EXD3: variants seen among roughly 807,000 people sequenced by gnomAD.
EXD3 encodes the protein exonuclease mut-7 homolog.
A neutral mutation model predicts 98.0 loss-of-function variants in EXD3; 92 were observed. That is an observed-to-expected ratio of 0.94 (90% CI 0.79 to 1.12). The LOEUF is 1.12. Among genes scored for constraint, EXD3 ranks in the 50% most tolerant of loss-of-function variants. EXD3 has a pLI of 0.00. For missense variants in EXD3, 1,222 were observed against 1,191.6 expected, an observed-to-expected ratio of 1.03 and a Z score of -0.38; for synonymous variants, 569 against 526.0, an observed-to-expected ratio of 1.08 and a Z score of -1.12.
intron 1 of EXD3, among the ~76,000 whole-genome samples, chr9:137,408,546 CAA>C (rs570243090): frequency 1.6e-4 from 7 of 44,484 alleles, no homozygotes; most frequent in Admixed American, 3.2e-4. Flanking sequence ...GACTCTGCCT[CAA>C]AAAAAAAAAA....
intron 17 of EXD3, among the ~76,000 whole-genome samples, chr9:137,327,218 C>T (rs1275839442): frequency 6.7e-6 from 1 of 150,232 alleles, no homozygotes. Context: ...ACTGCAAGTT[C>T]TGCCTCCCGG....
chr9:137,413,286 C>T (rs1838087533), intron 1 of EXD3, among the ~76,000 whole-genome samples: 1 of 151,970 alleles, frequency 6.6e-6, no homozygotes, highest in Admixed American at 6.6e-5. Flanking sequence ...CTGCAAGCTC[C>T]GCCTCCCGGG....
At chr9:137,376,828 C>T (rs966424424) in intron 3 of EXD3, among the ~76,000 whole-genome samples, 1 of 150,544 alleles carries the variant, frequency 6.6e-6, no homozygotes, top group African/African-American at 2.5e-5. Flanking sequence ...GCTCGGGAGG[C>T]TGAGGCAGGA....
intron 6 of EXD3, 100 bp from the exon 7 acceptor site, chr9:137,366,732 G>A: frequency 7.0e-7 from 1 of 1,427,368 alleles, no homozygotes; most frequent in Non-Finnish European, 9.3e-7. Flanking sequence ...CAGAACGAAA[G>A]GGGCCCAGAG....
intron 8 of EXD3, among the ~76,000 whole-genome samples, chr9:137,355,525 GAT>G (rs1564508425): frequency 8.0e-4 from 51 of 63,552 alleles, no homozygotes; most frequent in Non-Finnish European, 1.1e-3. Context: ...GAGGAAGGAG[GAT>G]GGAGGAAGGA....
chr9:137,330,295 A>T (rs1270665292), intron 17 of EXD3, among the ~76,000 whole-genome samples: 1 of 131,834 alleles, frequency 7.6e-6, no homozygotes, highest in South Asian at 2.7e-4. Context: ...GGAACTACAC[A>T]GGAGCTACAC....
At chr9:137,308,530 C>T (rs1413980469) in intron 20 of EXD3, among the ~76,000 whole-genome samples, 2 of 152,056 alleles carry the variant, frequency 1.3e-5, no homozygotes, top group African/African-American at 4.8e-5. Context: ...AGCGGGGGAC[C>T]TGAGGTTGGA....
At position 137,371,324 on chromosome 9, in the gene EXD3, T is replaced by C. The variant is rs1427768774; in HGVS notation, c.462+1581A>G. On this transcript the variant is annotated intron_variant, in intron 5 of 21. Coordinates refer to ENST00000340951, the MANE Select transcript of EXD3 (RefSeq NM_017820.5). The surrounding 1 kb of genome is among the most constrained non-coding windows in gnomAD (Gnocchi z 8.0). Reference sequence around the variant, plus strand: ...GGGACATGGTGGCTTCTCAGCGCCATGCACCCGCCGCGAGACGACGGCCCC... The same window carrying C: ...GGGACATGGTGGCTTCTCAGCGCCACGCACCCGCCGCGAGACGACGGCCCC... 2.0e-5 allele frequency among the ~76,000 whole-genome samples: 3 copies of C among 152,144 alleles called. No homozygotes were observed. The highest frequency in any genetic ancestry group is 7.2e-5 in the African/African-American group (3 of 41,430).
chr9:137,316,321 C>G (rs1054407915), intron 19 of EXD3, among the ~76,000 whole-genome samples: 2 of 151,996 alleles, frequency 1.3e-5, no homozygotes, highest in Non-Finnish European at 2.9e-5. Flanking sequence ...CTTCGCGCGC[C>G]GGCCTGGGGG....
intron 8 of EXD3, among the ~76,000 whole-genome samples, chr9:137,355,171 C>T (rs1242317898): frequency 6.6e-6 from 1 of 152,166 alleles, no homozygotes; most frequent in Non-Finnish European, 1.5e-5. Context: ...CCATGAGCGG[C>T]AGGGACTGAG....
At position 137,395,736 on chromosome 9, in the gene EXD3, C is replaced by T. The variant is rs1337900036; in HGVS notation, c.-47-332G>A. On this transcript the variant is annotated intron_variant, in intron 1 of 21. Transcript: ENST00000340951. The surrounding 1 kb of genome is among the most constrained non-coding windows in gnomAD (Gnocchi z 6.5). ...GCCTGTTCTTGAGGACAGCGTGACC[C>T]CCCTTGCCATGTCCCCCTCAGGCTG... Among the ~76,000 whole-genome samples, 2 of 152,122 alleles carry T rather than the reference C, an allele frequency of 1.3e-5. No individual in the cohort carries two copies. The highest frequency in any genetic ancestry group is 3.9e-4 in the East Asian group (2 of 5,158).
intron 1 of EXD3, among the ~76,000 whole-genome samples, chr9:137,397,336 T>C (rs1285819815): frequency 6.6e-6 from 1 of 152,156 alleles, no homozygotes; most frequent in Non-Finnish European, 1.5e-5. Context: ...AGAAAGGCCC[T>C]AGGCTCTCCG....
Position 137,349,251 on chromosome 9 carries a change from G to A in EXD3, c.1689C>T (p.His563=), listed in dbSNP as rs769393301. The part of the protein sequence containing the change: ...AADAYCLLEV[H]QALCREPARF... Reference sequence around the variant, plus strand: ...GGGCGGGCTCTCTGCACAGGGCTTGGTGCACCTCCAGCAGGCAGTAGGCGT... The same window carrying A: ...GGGCGGGCTCTCTGCACAGGGCTTGATGCACCTCCAGCAGGCAGTAGGCGT... The change falls in exon 16 of 22, where the codon CAC becomes CAT. Residue 563 remains histidine (H), a synonymous_variant. Transcript: ENST00000340951. The surrounding 1 kb of genome is among the most constrained non-coding windows in gnomAD (Gnocchi z 7.4). 17 of 1,573,818 alleles carry A rather than the reference G, an allele frequency of 1.1e-5. No homozygotes were observed. The South Asian group carries it at 1.8e-4, about 17-fold the overall frequency.
At chr9:137,318,371 G>C (rs1021513089) in intron 19 of EXD3, among the ~76,000 whole-genome samples, 1 of 152,010 alleles carries the variant, frequency 6.6e-6, no homozygotes, top group Non-Finnish European at 1.5e-5. Flanking sequence ...GGGAGCCCTC[G>C]GAGGCAGGGT....
In EXD3 at chr9:137,403,305, T is replaced by C. The variant is rs989115151; in HGVS notation, c.-47-7901A>G. Among the ~76,000 whole-genome samples the C allele has an allele frequency of 6.6e-6, 1 of 151,842 alleles. No individual in the cohort carries two copies. The highest frequency in any genetic ancestry group is 2.4e-5 in the African/African-American group (1 of 41,336). The stretch of plus-strand genomic sequence containing the variant: ...AAGATGCAGACCCGAACGCGTCTCC[T>C]CCCGGCTGGTCTGTCCAGGAAAAAG... On this transcript the variant is annotated intron_variant, in intron 1 of 21. Transcript: ENST00000340951. This position sits in a 1 kb window ranked among gnomAD's most constrained non-coding sequence, Gnocchi z 6.1.
intron 2 of EXD3, among the ~76,000 whole-genome samples, chr9:137,389,993 G>A (rs1195596037): frequency 6.6e-6 from 1 of 151,402 alleles, no homozygotes; most frequent in East Asian, 1.9e-4. Flanking sequence ...ATGGTGGTGG[G>A]TGCCTGTAAT....
Position 137,395,243 on chromosome 9 carries a change from C to A in EXD3, c.55+60G>T, listed in dbSNP as rs986395104. ...AGTGGGCGCCACCACCCCCCATGCA[C>A]ACCCACGCACCTCCCCCCACAGCCC... On this transcript the variant is annotated intron_variant, in intron 2 of 21. Coordinates refer to ENST00000340951, the MANE Select transcript of EXD3 (RefSeq NM_017820.5). The surrounding 1 kb of genome is among the most constrained non-coding windows in gnomAD (Gnocchi z 6.5). 101 of 1,438,854 alleles carry A rather than the reference C, an allele frequency of 7.0e-5. No individual in the cohort carries two copies. The highest frequency in any genetic ancestry group is 9.2e-5 in the Non-Finnish European group (94 of 1,022,452). The allele number at this position is 1,438,854 out of a possible 1,614,324, so 89.1% of individuals were successfully genotyped here.
intron 1 of EXD3, among the ~76,000 whole-genome samples, chr9:137,401,641 C>G (rs1486683495): frequency 6.6e-6 from 1 of 152,228 alleles, no homozygotes; most frequent in Non-Finnish European, 1.5e-5. Flanking sequence ...GCTGCCAAGG[C>G]TTGGGGCTTC....
At position 137,403,159 on chromosome 9, in the gene EXD3, T is replaced by C. The variant is rs1837549056; in HGVS notation, c.-47-7755A>G. Among the ~76,000 whole-genome samples the C allele has an allele frequency of 6.6e-6, 1 of 151,730 alleles. No homozygotes were observed. Among genetic ancestry groups the C allele is most frequent in the Non-Finnish European group, 1.5e-5 (1 of 67,936 alleles). ...ATCCCCGGCGCTGACCCCTCTCCCC[T>C]CCATGGCAGTGTGGGGACTGCTATG... On this transcript the variant is annotated intron_variant, in intron 1 of 21. Transcript: ENST00000340951. This position sits in a 1 kb window ranked among gnomAD's most constrained non-coding sequence, Gnocchi z 6.1.
Sources: gnomAD v4.1 joint callset for allele counts (sites outside exome capture counted in the v4.1 genomes callset) on GRCh38, gnomAD v4.1.1 for gene constraint, Gnocchi (gnomAD v3.1) non-coding constraint, MANE v1.5 for transcripts, NCBI Gene and HGNC (gene_info 2026-07-23, HGNC 2026-07-21) for gene names.